LYPD6: variants seen among roughly 807,000 people sequenced by gnomAD.
The protein encoded by LYPD6 is ly6/PLAUR domain-containing protein 6.
In LYPD6, 15 loss-of-function variants were observed where a neutral mutation model predicts 22.7. The ratio of observed to expected loss-of-function variants is 0.66; its 90% CI spans 0.44 to 1.02. LYPD6 has a LOEUF of 1.02. Ranked by LOEUF, LYPD6 falls within the 50% of genes least tolerant of loss-of-function variation. The pLI, the probability that LYPD6 is intolerant of heterozygous loss-of-function variation, is 0.00. For synonymous variants in LYPD6, 72 were observed against 77.5 expected, an observed-to-expected ratio of 0.93 and a Z score of 0.37; for missense variants, 189 against 208.4, an observed-to-expected ratio of 0.91 and a Z score of 0.57.
intron 1 of LYPD6, among the ~76,000 whole-genome samples, chr2:149,415,703 G>A (rs1055908595): frequency 1.4e-4 from 22 of 152,112 alleles, no homozygotes; most frequent in African/African-American, 4.3e-4. Context: ...GTTTCACATC[G>A]TCCCCCAGGC....
chr2:149,422,674 A>AACAGATCC, intron 1 of LYPD6, among the ~76,000 whole-genome samples: 1 of 152,254 alleles, frequency 6.6e-6, no homozygotes, highest in South Asian at 2.1e-4. Flanking sequence ...AACTCTAGTC[A>AACAGATCC]CCATGCTGTA....
At chr2:149,436,456 C>A (rs1683433050) in intron 1 of LYPD6, among the ~76,000 whole-genome samples, 1 of 152,144 alleles carries the variant, frequency 6.6e-6, no homozygotes, top group Non-Finnish European at 1.5e-5. Context: ...TCCCAGTAAG[C>A]AGAGCAATTC....
the LYPD6 span, among the ~76,000 whole-genome samples, chr2:149,485,549 T>C: frequency 6.6e-6 from 1 of 152,162 alleles, no homozygotes; most frequent in Non-Finnish European, 1.5e-5. Flanking sequence ...AAACATTTTT[T>C]CTAAGCTGTC....
chr2:149,404,115 A>G (rs1682632639), intron 1 of LYPD6, among the ~76,000 whole-genome samples: 1 of 152,136 alleles, frequency 6.6e-6, no homozygotes, highest in Admixed American at 6.5e-5. Context: ...TACCAGTACC[A>G]TGCTGTTTTG....
chr2:149,432,543 C>A (rs1245506230), intron 1 of LYPD6, among the ~76,000 whole-genome samples: 5 of 152,130 alleles, frequency 3.3e-5, no homozygotes, highest in African/African-American at 1.2e-4. Context: ...CAGTGGTGAT[C>A]AAGCAGGAAG....
intron 2 of LYPD6, among the ~76,000 whole-genome samples, chr2:149,443,747 GTACAGGAATACCT>G (rs1156716422): frequency 6.6e-6 from 1 of 151,886 alleles, no homozygotes; most frequent in Non-Finnish European, 1.5e-5. Flanking sequence ...CTTCAGCCAT[GTACAGGAATACCT>G]TAGAGATTAT....
intron 1 of LYPD6, among the ~76,000 whole-genome samples, chr2:149,356,937 A>G (rs962641778): frequency 1.3e-5 from 2 of 152,154 alleles, no homozygotes; most frequent in African/African-American, 2.4e-5. Flanking sequence ...ATTCACTTGT[A>G]TGTACTTTTA....
intron 1 of LYPD6, among the ~76,000 whole-genome samples, chr2:149,377,196 T>C (rs968106332): frequency 2.0e-4 from 30 of 151,876 alleles, no homozygotes; most frequent in Admixed American, 6.6e-5. Flanking sequence ...TTTTCTTTCT[T>C]TTTTCCTTTT....
At chr2:149,339,133 G>C (rs988246373) in intron 1 of LYPD6, among the ~76,000 whole-genome samples, 2 of 152,138 alleles carry the variant, frequency 1.3e-5, no homozygotes, top group African/African-American at 4.8e-5. Context: ...CATTATGAAG[G>C]TCACTGCCTG....
chr2:149,362,174 G>A (rs1176816537), intron 1 of LYPD6, among the ~76,000 whole-genome samples: 1 of 152,112 alleles, frequency 6.6e-6, no homozygotes, highest in African/African-American at 2.4e-5. Context: ...TACTAATTTT[G>A]TGGTAATTTG....
At position 149,367,658 on chromosome 2, in the gene LYPD6, T is replaced by C. The variant is rs1435065723; in HGVS notation, c.-72+36936T>C. ...TATTTACAAAACCTTTGTGAGGTCA[T>C]AGCTAGCGCTTTGTGCTGAACTGGA... On this transcript the variant is annotated intron_variant, in intron 1 of 4. Coordinates refer to ENST00000334166, the MANE Select transcript of LYPD6 (RefSeq NM_194317.5). The C allele has an allele frequency of 2.6e-5, 4 of 152,194 alleles. No homozygotes were observed. In the East Asian group the frequency reaches 7.7e-4, roughly 29 times the overall value. The allele number at this position is 152,194 out of a possible 1,614,324, so 9.4% of individuals were successfully genotyped here.
the LYPD6 span, among the ~76,000 whole-genome samples, chr2:149,485,766 C>A: frequency 6.6e-6 from 1 of 152,108 alleles, no homozygotes; most frequent in African/African-American, 2.4e-5. Flanking sequence ...CCTAATGGCC[C>A]TGTCAGAAAG....
chr2:149,363,548 G>C (rs1263381162), intron 1 of LYPD6, among the ~76,000 whole-genome samples: 1 of 152,148 alleles, frequency 6.6e-6, no homozygotes, highest in East Asian at 1.9e-4. Flanking sequence ...AGTGTGATAT[G>C]TCGTGAAGAA....
intron 1 of LYPD6, among the ~76,000 whole-genome samples, chr2:149,357,779 T>G (rs1681475353): frequency 6.6e-6 from 1 of 150,888 alleles, no homozygotes; most frequent in African/African-American, 2.5e-5. Context: ...TTCTTTCTTT[T>G]CTTTGCTTTT....
intron 3 of LYPD6, among the ~76,000 whole-genome samples, chr2:149,459,901 C>CAAAA (rs35923768): frequency 2.2e-5 from 3 of 137,470 alleles, no homozygotes; most frequent in African/African-American, 8.4e-5. Flanking sequence ...GACTTTGTCT[C>CAAAA]AAAAAAAAAA....
At chr2:149,444,346 A>G (rs771888995) in intron 2 of LYPD6, among the ~76,000 whole-genome samples, 14 of 152,156 alleles carry the variant, frequency 9.2e-5, no homozygotes, top group Non-Finnish European at 1.5e-4. Flanking sequence ...CTTGATATTG[A>G]TGGCTGTTGA....
At chr2:149,357,798 T>C in intron 1 of LYPD6, among the ~76,000 whole-genome samples, 1 of 151,228 alleles carries the variant, frequency 6.6e-6, no homozygotes, top group East Asian at 1.9e-4. Context: ...TTTTTTTTTT[T>C]TTTTTAAGAC....
intron 1 of LYPD6, among the ~76,000 whole-genome samples, chr2:149,403,259 C>A (rs1422433551): frequency 1.3e-5 from 2 of 151,550 alleles, no homozygotes; most frequent in Admixed American, 6.6e-5. Context: ...AATGGGATGG[C>A]TGGGTCAAAT....
At chr2:149,432,380 A>AT (rs774284100) in intron 1 of LYPD6, among the ~76,000 whole-genome samples, 64 of 152,360 alleles carry the variant, frequency 4.2e-4, no homozygotes, top group Middle Eastern at 6.8e-3. Context: ...TAAACATAGT[A>AT]TGTTCATACA....
Sources: allele counts gnomAD v4.1 joint callset (sites outside exome capture counted in the v4.1 genomes callset), GRCh38; gene constraint gnomAD v4.1.1; transcripts MANE v1.5; gene names NCBI Gene and HGNC (gene_info 2026-07-23, HGNC 2026-07-21).